SPATA13: variants seen among roughly 807,000 people sequenced by gnomAD.
SPATA13 encodes the protein spermatogenesis-associated protein 13.
In SPATA13, 50 loss-of-function variants were observed where a neutral mutation model predicts 104.0. The observed-to-expected ratio is 0.48, with a 90% confidence interval of 0.38 to 0.61. The LOEUF (loss-of-function observed/expected upper bound fraction) is 0.61, where lower values mean the gene tolerates loss of function less well. Ranked by LOEUF, SPATA13 falls within the 20% of genes least tolerant of loss-of-function variation. The probability of loss-of-function intolerance (pLI) is 0.00; values close to 1 mark genes in which losing one functional copy is unlikely to be tolerated. For synonymous variants in SPATA13, 606 were observed against 667.5 expected, an observed-to-expected ratio of 0.91 and a Z score of 1.42; for missense variants, 1,524 against 1,690.6, an observed-to-expected ratio of 0.90 and a Z score of 1.73.
At chr13:24,179,326 G>T (rs768214735) in intron 1 of SPATA13, among the ~76,000 whole-genome samples, 1 of 152,194 alleles carries the variant, frequency 6.6e-6, no homozygotes, top group Non-Finnish European at 1.5e-5. Flanking sequence ...TGGTAACTCA[G>T]TGTTGAAATT....
intron 3 of SPATA13, among the ~76,000 whole-genome samples, chr13:24,050,630 G>A (rs2137740690): frequency 6.6e-6 from 1 of 152,296 alleles, no homozygotes; most frequent in South Asian, 2.1e-4. Context: ...ATCCACAAGA[G>A]GCGAAGGCAT....
At chr13:24,125,851 A>G (rs567990448) in intron 3 of SPATA13, among the ~76,000 whole-genome samples, 5 of 152,342 alleles carry the variant, frequency 3.3e-5, no homozygotes, top group South Asian at 4.1e-4. Flanking sequence ...CTTCTGGTCA[A>G]TTAACTGGAA....
chr13:24,006,191 A>T (rs949099770), intron 2 of SPATA13, among the ~76,000 whole-genome samples: 8 of 152,206 alleles, frequency 5.3e-5, no homozygotes, highest in Non-Finnish European at 7.3e-5. Context: ...GAGGGTATAG[A>T]GGGTAAGTCT....
At chr13:24,277,041 G>A (rs1053273164) in intron 4 of SPATA13, among the ~76,000 whole-genome samples, 3 of 152,246 alleles carry the variant, frequency 2.0e-5, no homozygotes, top group African/African-American at 7.2e-5. Context: ...AAGTGTTCAA[G>A]TAGAGTGGAG....
intron 2 of SPATA13, chr13:23,984,045 G>A (rs1875035659): frequency 1.4e-6 from 1 of 707,662 alleles, no homozygotes; most frequent in Non-Finnish European, 1.7e-6. Context: ...AGAATTTGAA[G>A]GTTTTCACTG....
chr13:24,222,790 T>C (rs1459303478), intron 1 of SPATA13, 29 bp from the exon 2 acceptor site: 1 of 1,491,096 alleles, frequency 6.7e-7, no homozygotes, highest in Non-Finnish European at 9.0e-7. Context: ...GGGAAATGGC[T>C]AAACCGCCTG....
intron 1 of SPATA13, among the ~76,000 whole-genome samples, chr13:24,207,069 T>G (rs147658287): frequency 1.6e-4 from 24 of 152,248 alleles, no homozygotes; most frequent in African/African-American, 5.3e-4. Flanking sequence ...CCTTTGCAGT[T>G]ATATGGATGG....
intron 1 of SPATA13, among the ~76,000 whole-genome samples, chr13:24,176,794 T>G (rs1868461231): frequency 6.6e-6 from 1 of 152,142 alleles, no homozygotes; most frequent in African/African-American, 2.4e-5. Flanking sequence ...AGTATATAAT[T>G]TTTTTTTCTT....
intron 1 of SPATA13, among the ~76,000 whole-genome samples, chr13:24,219,802 T>A (rs1162268244): frequency 6.6e-6 from 1 of 152,190 alleles, no homozygotes; most frequent in Admixed American, 6.5e-5. Flanking sequence ...ATGTGTAGGC[T>A]TTTCTAAACC....
At chr13:24,024,357 G>A (rs111594974) in intron 3 of SPATA13, among the ~76,000 whole-genome samples, 5,450 of 42,312 alleles carry the variant, frequency 0.13, 321 homozygotes, top group African/African-American at 0.22. Flanking sequence ...ATGGATGGAC[G>A]GATGGATGGA....
rs59906180 is a variant in SPATA13, at chr13:24,027,134, G to GTTTT, written c.-112+9448_-112+9451dup. Among the ~76,000 whole-genome samples the GTTTT allele has an allele frequency of 6.5e-4, 73 of 112,070 alleles. 2 individuals are homozygous for GTTTT. Among genetic ancestry groups the GTTTT allele is most frequent in the African/African-American group, 8.1e-4 (23 of 28,562 alleles). The allele number at this position is 112,070 out of a possible 152,430, so 73.5% of individuals were successfully genotyped here. A position where few individuals can be genotyped will look rare whatever the true frequency, so the allele number is the denominator to read the frequency against. ...TGTTCCTGATATTTTTTGTTTAGCC[G>GTTTT]TTTTTTTTTTTTTTTTTTGAGACGG... On this transcript the variant is annotated intron_variant, in intron 3 of 14. Coordinates refer to the SPATA13 transcript ENST00000424834.
At chr13:24,190,360 A>G (rs1869647438) in intron 1 of SPATA13, among the ~76,000 whole-genome samples, 1 of 83,532 alleles carries the variant, frequency 1.2e-5, no homozygotes, top group African/African-American at 4.3e-5. Context: ...ATTATATATT[A>G]TTATATATAA....
At chr13:24,013,980 T>C (rs1876595609) in intron 2 of SPATA13, among the ~76,000 whole-genome samples, 1 of 152,034 alleles carries the variant, frequency 6.6e-6, no homozygotes, top group Admixed American at 6.6e-5. Context: ...AAGTCTGGAG[T>C]GTGCTAGAGT....
At chr13:24,203,134 C>G (rs1870517385) in intron 1 of SPATA13, among the ~76,000 whole-genome samples, 1 of 151,920 alleles carries the variant, frequency 6.6e-6, no homozygotes, top group African/African-American at 2.4e-5. Flanking sequence ...TTCCCCCATC[C>G]CCTCCCTCCC....
chr13:24,051,195 T>G lies in SPATA13; in HGVS notation c.-112+33494T>G, dbSNP rs117945245. ...GAGACCCTAGTTCTGCTCCCCAGTC[T>G]CCACGCAGCACATACCTTGTTGCAG... On this transcript the variant is annotated intron_variant, in intron 3 of 14. Coordinates refer to the SPATA13 transcript ENST00000424834. The surrounding 1 kb of genome is among the most constrained non-coding windows in gnomAD (Gnocchi z 4.2). Among the ~76,000 whole-genome samples the G allele has an allele frequency of 2.6e-5, 4 of 152,298 alleles. No individual in the cohort carries two copies. The highest frequency in any genetic ancestry group is 5.9e-5 in the Non-Finnish European group (4 of 68,028).
intron 2 of SPATA13, among the ~76,000 whole-genome samples, chr13:24,230,372 G>T (rs1213096393): frequency 6.6e-6 from 1 of 152,170 alleles, no homozygotes; most frequent in African/African-American, 2.4e-5. Flanking sequence ...AGTAAGTGCC[G>T]CAGGAGCCCC....
chr13:24,206,387 A>G (rs898313449), intron 1 of SPATA13, among the ~76,000 whole-genome samples: 1 of 152,132 alleles, frequency 6.6e-6, no homozygotes. Flanking sequence ...AGTCAGAATG[A>G]CTGTTATCAA....
At chr13:24,195,442 G>C (rs548362773) in intron 1 of SPATA13, among the ~76,000 whole-genome samples, 8 of 152,256 alleles carry the variant, frequency 5.3e-5, no homozygotes, top group African/African-American at 1.9e-4. Flanking sequence ...GTGGGCACCT[G>C]TTTTCAGTTC....
intron 2 of SPATA13, 148 bp from the exon 3 acceptor site, chr13:24,249,329 G>A: frequency 1.0e-6 from 1 of 1,001,710 alleles, no homozygotes. Flanking sequence ...GTGTCTTCAT[G>A]TTCTAGTACA....
Sources: gnomAD v4.1 joint callset for allele counts (sites outside exome capture counted in the v4.1 genomes callset) on GRCh38, gnomAD v4.1.1 for gene constraint, Gnocchi (gnomAD v3.1) non-coding constraint, MANE v1.5 for transcripts, NCBI Gene and HGNC (gene_info 2026-07-23, HGNC 2026-07-21) for gene names.